SGCG: variants seen among roughly 807,000 people sequenced by gnomAD.
SGCG encodes the protein gamma-sarcoglycan.
In SGCG, 26 loss-of-function variants were observed where a neutral mutation model predicts 29.3. That is an observed-to-expected ratio of 0.89 (90% CI 0.65 to 1.23). SGCG has a LOEUF of 1.23. SGCG is among the 50% of genes most tolerant of loss of function. The pLI is 0.00. For synonymous variants in SGCG, 145 were observed against 129.7 expected (o/e 1.12, Z -0.80); for missense variants, 353 against 356.0 (o/e 0.99, Z 0.07).
chr13:23,252,932 C>T (rs1880032816), intron 4 of SGCG, among the ~76,000 whole-genome samples: 2 of 152,278 alleles, frequency 1.3e-5, no homozygotes, highest in South Asian at 2.1e-4. Flanking sequence ...TTACTTCTCT[C>T]AGCCAGCTGT....
intron 4 of SGCG, among the ~76,000 whole-genome samples, chr13:23,271,295 T>C (rs145838826): frequency 2.0e-5 from 3 of 152,308 alleles, no homozygotes; most frequent in African/African-American, 7.2e-5. Context: ...AGAGTCTAAT[T>C]ATTACTTTAT....
chr13:23,193,116 T>C (rs911167820), intron 1 of SGCG, among the ~76,000 whole-genome samples: 4 of 152,212 alleles, frequency 2.6e-5, no homozygotes, highest in African/African-American at 7.2e-5. Context: ...GACAGAGTGG[T>C]GGCCACGTGG....
intron 4 of SGCG, among the ~76,000 whole-genome samples, chr13:23,259,591 GAAT>G (rs1880346564): frequency 6.6e-6 from 1 of 152,032 alleles, no homozygotes; most frequent in Non-Finnish European, 1.5e-5. Context: ...GCTAGCTTTT[GAAT>G]TTGTTTGCTC....
At chr13:23,198,769 C>T (rs148105821) in intron 1 of SGCG, among the ~76,000 whole-genome samples, 11 of 150,790 alleles carry the variant, frequency 7.3e-5, no homozygotes, top group African/African-American at 2.7e-4. Context: ...TCGCTTGAAC[C>T]CGGGAGGTGG....
Position 23,231,930 on chromosome 13 carries a change from C to T in SGCG, c.196-2681C>T, listed in dbSNP as rs184562281. Among the ~76,000 whole-genome samples the T allele has an allele frequency of 3.0e-3, 463 of 152,078 alleles. 4 individuals are homozygous for T. Among genetic ancestry groups the T allele is most frequent in the African/African-American group, 0.011 (441 of 41,480 alleles). On this transcript the variant is annotated intron_variant, in intron 2 of 7. Transcript: ENST00000218867. The stretch of plus-strand genomic sequence containing the variant: ...GGTCAGGAGTTCAGGACCAGCCTGG[C>T]CAACATGACGAAACCCCATCTCTAC...
chr13:23,162,297 C>G, the SGCG span, among the ~76,000 whole-genome samples: 1 of 152,108 alleles, frequency 6.6e-6, no homozygotes, highest in South Asian at 2.1e-4. Context: ...ATTTGTCAGA[C>G]TCTCACTTGA....
chr13:23,296,321 T>C (rs1881907022), intron 6 of SGCG, among the ~76,000 whole-genome samples: 1 of 152,244 alleles, frequency 6.6e-6, no homozygotes, highest in Non-Finnish European at 1.5e-5. Context: ...ATATATGCAC[T>C]ATTAGTAGTG....
intron 3 of SGCG, among the ~76,000 whole-genome samples, chr13:23,247,414 C>T (rs1008543166): frequency 2.2e-4 from 34 of 152,128 alleles, no homozygotes; most frequent in African/African-American, 8.0e-4. Context: ...GGTAAACTGC[C>T]CTTGATGTTA....
At chr13:23,204,940 A>G (rs988771868) in intron 2 of SGCG, among the ~76,000 whole-genome samples, 2 of 152,004 alleles carry the variant, frequency 1.3e-5, no homozygotes, top group African/African-American at 4.8e-5. Flanking sequence ...TATTGACATC[A>G]TAAATAAATA....
At chr13:23,160,569 G>C in the SGCG span, among the ~76,000 whole-genome samples, 2 of 152,154 alleles carry the variant, frequency 1.3e-5, no homozygotes, top group Admixed American at 6.5e-5. Context: ...CTGGGGAGAA[G>C]ACTGTGGTGT....
chr13:23,210,298 T>G (rs1217377949), intron 2 of SGCG, among the ~76,000 whole-genome samples: 1 of 152,204 alleles, frequency 6.6e-6, no homozygotes, highest in Non-Finnish European at 1.5e-5. Context: ...TCATCATAAT[T>G]GAGGAAATCA....
intron 6 of SGCG, among the ~76,000 whole-genome samples, chr13:23,300,723 G>C (rs1317299676): frequency 6.9e-6 from 1 of 145,878 alleles, no homozygotes; most frequent in Non-Finnish European, 1.5e-5. Context: ...TTTAAAAACA[G>C]AGAGAAACGA....
At chr13:23,182,756 T>TG (rs1353128949) in intron 1 of SGCG, among the ~76,000 whole-genome samples, 1 of 152,224 alleles carries the variant, frequency 6.6e-6, no homozygotes, top group African/African-American at 2.4e-5. Flanking sequence ...TCAGTATGAC[T>TG]GGTGGGTAGG....
intron 6 of SGCG, among the ~76,000 whole-genome samples, chr13:23,313,037 G>T (rs116031593): frequency 6.6e-6 from 1 of 151,910 alleles, no homozygotes; most frequent in Non-Finnish European, 1.5e-5. Context: ...TAAAAGATTA[G>T]GTTTTCTTAT....
rs1221310096 is a variant in SGCG at position 23,320,680 on chromosome 13, G to C, written c.622G>C (p.Gly208Arg). 2.5e-6 allele frequency: 4 copies of C among 1,609,820 alleles called. No individual in the cohort carries two copies. Among genetic ancestry groups the C allele is most frequent in the Non-Finnish European group, 3.4e-6 (4 of 1,177,868 alleles). ...TRSLSMDAPRGVHIQAHAGKI... is the reference protein window; with the variant it reads ...TRSLSMDAPRRVHIQAHAGKI... ...GAGTCTAAGCATGGATGCCCCAAGG[G>C]GTGTGCATATTCAAGCTCACGCTGG... The change falls in exon 7 of 8, where the codon GGT becomes CGT. Residue 208 changes from glycine to arginine, a missense_variant. By Grantham distance (125) the Gly-to-Arg change is moderately radical (BLOSUM62 -2). Transcript: ENST00000218867.
At chr13:23,241,203 G>A (rs1332155919) in intron 3 of SGCG, among the ~76,000 whole-genome samples, 1 of 147,252 alleles carries the variant, frequency 6.8e-6, no homozygotes, top group Non-Finnish European at 1.5e-5. Context: ...TCATCCTTAA[G>A]AAACTAGAAG....
intron 6 of SGCG, among the ~76,000 whole-genome samples, chr13:23,296,846 C>G (rs1035793986): frequency 6.6e-6 from 1 of 152,100 alleles, no homozygotes; most frequent in African/African-American, 2.4e-5. Context: ...TACCACTAGG[C>G]TACTGAATGT....
At chr13:23,311,862 C>T (rs1882611512) in intron 6 of SGCG, among the ~76,000 whole-genome samples, 1 of 152,112 alleles carries the variant, frequency 6.6e-6, no homozygotes, top group Non-Finnish European at 1.5e-5. Flanking sequence ...CCAAACCCCC[C>T]ACCGTGACCC....
At chr13:23,294,634 C>T (rs1881835058) in intron 5 of SGCG, among the ~76,000 whole-genome samples, 1 of 152,204 alleles carries the variant, frequency 6.6e-6, no homozygotes, top group Non-Finnish European at 1.5e-5. Flanking sequence ...CTTTCTATCA[C>T]ATATTGTTAT....
Sources: gnomAD v4.1 joint callset for allele counts (sites outside exome capture counted in the v4.1 genomes callset) on GRCh38, gnomAD v4.1.1 for gene constraint, MANE v1.5 for transcripts, NCBI Gene and HGNC (gene_info 2026-07-23, HGNC 2026-07-21) for gene names.